Variants in PCDH17 observed in about 807,000 individuals in gnomAD.
PCDH17 encodes protocadherin-17.
Under a neutral mutation model 67.7 loss-of-function variants are expected in PCDH17, and 21 were observed. The ratio of observed to expected loss-of-function variants is 0.31; its 90% CI spans 0.22 to 0.45. The LOEUF (loss-of-function observed/expected upper bound fraction) is 0.45, where lower values mean the gene tolerates loss of function less well. Among genes scored for constraint, PCDH17 ranks in the 20% least tolerant of loss-of-function variants. PCDH17 has a pLI of 1.00. For missense variants in PCDH17, 1,471 were observed against 1,564.8 expected, an observed-to-expected ratio of 0.94 and a Z score of 1.01; for synonymous variants, 701 against 656.7, an observed-to-expected ratio of 1.07 and a Z score of -1.03.
chr13:57,631,324 C>G (rs917498003), upstream of PCDH17, among the ~76,000 whole-genome samples: 1 of 152,086 alleles, frequency 6.6e-6, no homozygotes, highest in Non-Finnish European at 1.5e-5. Flanking sequence ...TCCCTTCTAG[C>G]GAGAGACAGG....
rs1593885183 is a variant in PCDH17 at position 57,632,688 on chromosome 13, C to T, written c.142C>T (p.Leu48Phe). The change falls in exon 1 of 4, where the codon CTT (leucine) becomes TTT (phenylalanine). Residue 48 changes from leucine (L) to phenylalanine (F), a missense_variant. Leu to Phe is a conservative substitution (Grantham distance 22). Around this residue, in one of 3 missense-constraint regions of PCDH17, gnomAD observed 1,163 missense variants for 1,230.0 expected, o/e 0.95. Transcript: ENST00000377918. The part of the protein sequence containing the change: ...IGRDARLQPG[L>F]PPAERGGGGR... ...CAGGGATGCTCGACTGCAGCCTGGG[C>T]TTCCGCCTGCAGAGCGCGGCGGCGG... is the stretch of plus-strand genomic sequence containing the variant. The T allele has an allele frequency of 1.2e-6, 2 of 1,611,586 alleles. No homozygotes were observed. The highest frequency in any genetic ancestry group is 4.5e-5 in the East Asian group (2 of 44,844).
At chr13:57,659,639 T>G (rs902459267) in intron 1 of PCDH17, among the ~76,000 whole-genome samples, 3 of 152,184 alleles carry the variant, frequency 2.0e-5, no homozygotes, top group Admixed American at 6.5e-5. Flanking sequence ...TTTGCATACA[T>G]TTTGGTACAT....
chr13:57,639,812 C>A (rs940184240), intron 1 of PCDH17, among the ~76,000 whole-genome samples: 1 of 151,838 alleles, frequency 6.6e-6, no homozygotes, highest in African/African-American at 2.4e-5. Context: ...ATGAAAAGAT[C>A]GGCATAGAAA....
At chr13:57,684,461 T>C (rs1955488330) in intron 3 of PCDH17, among the ~76,000 whole-genome samples, 1 of 151,894 alleles carries the variant, frequency 6.6e-6, no homozygotes, top group South Asian at 2.1e-4. Flanking sequence ...TGTACTCTAA[T>C]TGTGCCTGGA....
chr13:57,665,448 G>C (rs1264391328), intron 1 of PCDH17, among the ~76,000 whole-genome samples: 1 of 152,048 alleles, frequency 6.6e-6, no homozygotes, highest in Admixed American at 6.6e-5. Flanking sequence ...ACTACATTAA[G>C]TCTTACCTTG....
chr13:57,632,265 C>A lies in PCDH17; in HGVS notation c.-282C>A. 4.0e-6 allele frequency: 2 copies of A among 494,648 alleles called. No homozygotes were observed. The highest frequency in any genetic ancestry group is 7.2e-6 in the Non-Finnish European group (2 of 279,614). The allele number at this position is 494,648 out of a possible 1,614,324, so 30.6% of individuals were successfully genotyped here. A position where few individuals can be genotyped will look rare whatever the true frequency, so the allele number is the denominator to read the frequency against. ...GGGAGAGACGAAACCCCTGGCTCAC[C>A]CCCAGCCGCAGGAAGCCACCGCCTT... On this transcript the variant is annotated 5_prime_UTR_variant, in exon 1 of 4. Coordinates refer to ENST00000377918, the MANE Select transcript of PCDH17 (RefSeq NM_001040429.3).
At chr13:57,635,943 C>G (rs1954817947) in intron 1 of PCDH17, among the ~76,000 whole-genome samples, 1 of 152,062 alleles carries the variant, frequency 6.6e-6, no homozygotes, top group Non-Finnish European at 1.5e-5. Context: ...AAAAAGGAGG[C>G]AAAGTTACAC....
rs569672824 is a variant in PCDH17, at chr13:57,721,780, T to C, written c.2798-2832T>C. Among the ~76,000 whole-genome samples the C allele has an allele frequency of 1.8e-4, 27 of 152,208 alleles. No individual in the cohort carries two copies. The South Asian group carries it at 2.9e-3, about 16-fold the overall frequency. On this transcript the variant is annotated intron_variant, in intron 3 of 3. Coordinates refer to ENST00000377918, the MANE Select transcript of PCDH17 (RefSeq NM_001040429.3). ...CTTCACTTTGTTTTGCTTCTTTCCCTTTCTACTTTCTTCCTTTTTTCCATT... is the reference window on the plus strand; with the variant it reads ...CTTCACTTTGTTTTGCTTCTTTCCCCTTCTACTTTCTTCCTTTTTTCCATT...
At chr13:57,715,422 G>T (rs1955809052) in intron 3 of PCDH17, among the ~76,000 whole-genome samples, 1 of 151,832 alleles carries the variant, frequency 6.6e-6, no homozygotes, top group Non-Finnish European at 1.5e-5. Context: ...TATATTCAAG[G>T]AATGGAATGC....
chr13:57,700,840 T>C (rs1955656286), intron 3 of PCDH17, among the ~76,000 whole-genome samples: 1 of 152,106 alleles, frequency 6.6e-6, no homozygotes, highest in Non-Finnish European at 1.5e-5. Flanking sequence ...AATAGGGTTA[T>C]TTTCGCAGTG....
chr13:57,651,800 A>G (rs978014112), intron 1 of PCDH17, among the ~76,000 whole-genome samples: 1 of 152,172 alleles, frequency 6.6e-6, no homozygotes, highest in African/African-American at 2.4e-5. Context: ...AATTATTTGT[A>G]TAAAGAATAT....
At chr13:57,652,914 T>C (rs1955059176) in intron 1 of PCDH17, among the ~76,000 whole-genome samples, 1 of 152,162 alleles carries the variant, frequency 6.6e-6, no homozygotes, top group Non-Finnish European at 1.5e-5. Flanking sequence ...ACTTGGTTCC[T>C]AGATTGCAGG....
rs535692796 is a variant in PCDH17, at chr13:57,633,682, G to A, written c.1136G>A (p.Arg379Gln). Reference protein sequence around the residue: ...TVIALVRVTDRDSGKNGQLQC... With the variant: ...TVIALVRVTDQDSGKNGQLQC... ...ATCGCCCTGGTGCGGGTCACTGACC[G>A]GGACTCTGGCAAGAACGGACAGCTG... The change falls in exon 1 of 4, where the codon CGG (arginine) becomes CAG (glutamine). Residue 379 changes from arginine to glutamine, a missense_variant. Arg to Gln is a conservative substitution (Grantham distance 43). Around this residue, in one of 3 missense-constraint regions of PCDH17, gnomAD observed 1,163 missense variants for 1,230.0 expected, o/e 0.95. Coordinates refer to ENST00000377918, the MANE Select transcript of PCDH17 (RefSeq NM_001040429.3). The surrounding 1 kb of genome is among the most constrained non-coding windows in gnomAD (Gnocchi z 6.2). 2 of 1,604,788 alleles carry A rather than the reference G, an allele frequency of 1.2e-6. No individual in the cohort carries two copies. Among genetic ancestry groups the A allele is most frequent in the African/African-American group, 1.3e-5 (1 of 75,060 alleles).
At position 57,666,756 on chromosome 13, in the gene PCDH17, G is replaced by A. The variant is rs1208260199; in HGVS notation, c.2720G>A (p.Gly907Asp). ...QADSDQDTNK[G>D]SCCDMSVREA... ...GACAGTGACCAAGACACTAACAAAG[G>A]CTCCTGCTGTGACATGTCTGTTAGG... Residue 907 changes from glycine to aspartate, a missense_variant, in exon 3 of 4, where the codon GGC (glycine) becomes GAC (aspartate). Transcript: ENST00000377918. 1 of 1,613,730 alleles carries A rather than the reference G, an allele frequency of 6.2e-7. No individual in the cohort carries two copies. Among genetic ancestry groups the A allele is most frequent in the Non-Finnish European group, 8.5e-7 (1 of 1,179,802 alleles).
chr13:57,653,215 A>T (rs1365621735), intron 1 of PCDH17, among the ~76,000 whole-genome samples: 5 of 152,104 alleles, frequency 3.3e-5, no homozygotes, highest in Admixed American at 3.3e-4. Flanking sequence ...ACTGGCTCTG[A>T]TTATTATTTT....
At chr13:57,661,487 C>T (rs1236248062) in intron 1 of PCDH17, among the ~76,000 whole-genome samples, 1 of 152,128 alleles carries the variant, frequency 6.6e-6, no homozygotes, top group East Asian at 1.9e-4. Context: ...CCAACTTTTT[C>T]TTCTGTGGAT....
intron 1 of PCDH17, among the ~76,000 whole-genome samples, chr13:57,646,230 A>G (rs1441524266): frequency 1.3e-5 from 2 of 151,668 alleles, no homozygotes; most frequent in African/African-American, 4.8e-5. Flanking sequence ...TGAAATTTTT[A>G]TGCAAATATT....
chr13:57,666,300 G>C (rs758590364), intron 1 of PCDH17, among the ~76,000 whole-genome samples, 168 bp from the exon 2 acceptor site: 32 of 152,022 alleles, frequency 2.1e-4, no homozygotes, highest in Non-Finnish European at 3.8e-4. Flanking sequence ...TAATTGTTCT[G>C]AGTACATAAT....
chr13:57,651,081 A>G (rs541495246), intron 1 of PCDH17, among the ~76,000 whole-genome samples: 3 of 152,176 alleles, frequency 2.0e-5, no homozygotes, highest in African/African-American at 7.2e-5. Context: ...GAAAAAAAGG[A>G]TTGTGAACCT....
Sources: allele counts gnomAD v4.1 joint callset (sites outside exome capture counted in the v4.1 genomes callset), GRCh38; gene constraint gnomAD v4.1.1; regional missense constraint gnomAD v4.1.1; non-coding constraint Gnocchi (gnomAD v3.1); transcripts MANE v1.5; gene names NCBI Gene and HGNC (gene_info 2026-07-23, HGNC 2026-07-21).